The following WTAP variants were observed in gnomAD, a reference collection of about 807,000 sequenced individuals.
The protein encoded by WTAP is pre-mRNA-splicing regulator WTAP.
Under a neutral mutation model 50.0 loss-of-function variants are expected in WTAP, and 8 were observed. The observed-to-expected ratio is 0.16, with a 90% CI of 0.09 to 0.29. WTAP has a LOEUF of 0.29. WTAP is among the 10% of genes least tolerant of loss of function. WTAP has a pLI of 1.00. For synonymous variants in WTAP, 194 were observed against 169.0 expected (o/e 1.15, Z -1.15); for missense variants, 295 against 470.7 (o/e 0.63, Z 3.45).
chr6:159,726,899 CCTCT>C (rs899694886), upstream of WTAP: 53 of 1,289,008 alleles, frequency 4.1e-5, no homozygotes, highest in Non-Finnish European at 5.4e-5. Flanking sequence ...CCGCCCACGG[CCTCT>C]CTCTTGAGGT....
chr6:159,747,420 G>A (rs1779637368), intron 5 of WTAP, among the ~76,000 whole-genome samples: 2 of 152,158 alleles, frequency 1.3e-5, no homozygotes, highest in South Asian at 4.1e-4. Context: ...AAGCAGTTTG[G>A]ATTAGGTGAG....
chr6:159,739,166 A>G, intron 3 of WTAP, 121 bp downstream of exon 3: 1 of 794,660 alleles, frequency 1.3e-6, no homozygotes. Flanking sequence ...AAATAATTTA[A>G]TGTACTTTTT....
chr6:159,746,824 G>A (rs915794824), intron 5 of WTAP, among the ~76,000 whole-genome samples: 1 of 152,138 alleles, frequency 6.6e-6, no homozygotes, highest in Non-Finnish European at 1.5e-5. Flanking sequence ...CTAGAACATG[G>A]AATTTATTCT....
At chr6:159,735,128 A>G (rs910631818) in intron 1 of WTAP, among the ~76,000 whole-genome samples, 3 of 152,150 alleles carry the variant, frequency 2.0e-5, no homozygotes, top group Non-Finnish European at 2.9e-5. Flanking sequence ...TGTGACATAC[A>G]TGTGTATGTG....
intron 5 of WTAP, among the ~76,000 whole-genome samples, chr6:159,744,352 A>C (rs1488185953): frequency 6.6e-6 from 1 of 152,212 alleles, no homozygotes; most frequent in Non-Finnish European, 1.5e-5. Context: ...GTAATTATAC[A>C]AAATAATTAG....
chr6:159,742,382 A>G (rs1420613777), intron 4 of WTAP, among the ~76,000 whole-genome samples: 13 of 152,190 alleles, frequency 8.5e-5, no homozygotes, highest in Admixed American at 8.5e-4. Flanking sequence ...GCAAAATTAT[A>G]TGCAAGGTTC....
intron 6 of WTAP, 162 bp from the exon 7 acceptor site, chr6:159,753,298 G>A (rs1779886664): frequency 9.6e-7 from 1 of 1,040,298 alleles, no homozygotes. Flanking sequence ...ATACTGAAAT[G>A]CAGAAGATGG....
Position 159,748,187 on chromosome 6 carries a change from A to G in WTAP, c.274-4A>G, listed in dbSNP as rs755448327. 2.5e-6 allele frequency: 4 copies of G among 1,613,710 alleles called. No homozygotes were observed. The East Asian group carries it at 6.7e-5, about 27-fold the overall frequency. ...GTCGTAATTGTTTCTTTTGCTTTGC[A>G]CAGACTCAAATCCAGTACCTCAAGC... On this transcript the variant is annotated splice_region_variant and splice_polypyrimidine_tract_variant and intron_variant, in intron 5 of 7. Transcript: ENST00000621533. The surrounding 1 kb of genome is among the most constrained non-coding windows in gnomAD (Gnocchi z 5.6).
chr6:159,729,647 T>C (rs1225390808), intron 1 of WTAP, among the ~76,000 whole-genome samples: 1 of 152,256 alleles, frequency 6.6e-6, no homozygotes, highest in East Asian at 1.9e-4. Flanking sequence ...CAAAATTATC[T>C]TTTTGCTGAC....
chr6:159,752,586 A>G (rs1450286103), intron 6 of WTAP, among the ~76,000 whole-genome samples: 1 of 152,200 alleles, frequency 6.6e-6, no homozygotes, highest in Non-Finnish European at 1.5e-5. Flanking sequence ...TGCGTGTTTG[A>G]ATTGTGATAC....
chr6:159,729,453 G>C (rs1427005857), intron 1 of WTAP, among the ~76,000 whole-genome samples: 2 of 152,146 alleles, frequency 1.3e-5, no homozygotes, highest in African/African-American at 4.8e-5. Context: ...TGTTCCATCT[G>C]ACTAAAATAT....
intron 1 of WTAP, among the ~76,000 whole-genome samples, chr6:159,733,561 G>T (rs59928679): frequency 3.2e-4 from 49 of 151,780 alleles, no homozygotes; most frequent in African/African-American, 1.1e-3. Flanking sequence ...GGTCAAGATT[G>T]CAGTGAGCCA....
rs1779980400 is a variant in WTAP, at chr6:159,755,744, TCTTTGTTTTTTTTTTCTTTTC to T, written c.*134_*154del. 1.7e-6 allele frequency: 2 copies of T among 1,188,456 alleles called. No individual in the cohort carries two copies. Among genetic ancestry groups the T allele is most frequent in the Admixed American group, 7.9e-5 (2 of 25,466 alleles). The allele number at this position is 1,188,456 out of a possible 1,614,324, so 73.6% of individuals were successfully genotyped here. A position where few individuals can be genotyped will look rare whatever the true frequency, so the allele number is the denominator to read the frequency against. On this transcript the variant is annotated 3_prime_UTR_variant, in exon 8 of 8. Coordinates refer to ENST00000621533, the MANE Select transcript of WTAP (RefSeq NM_001270531.2). Reference sequence around the variant, plus strand: ...TTTGGTTTTTTTTTGTTGTTTTTTTTCTTTGTTTTTTTTTTCTTTTCTTTTTTTTTTTTTTTTTTTTTTTTT... The same window carrying T: ...TTTGGTTTTTTTTTGTTGTTTTTTTTTTTTTTTTTTTTTTTTTTTTTTTTT...
chr6:159,750,861 C>T (rs997851281), intron 6 of WTAP, among the ~76,000 whole-genome samples: 2 of 152,114 alleles, frequency 1.3e-5, no homozygotes, highest in African/African-American at 4.8e-5. Context: ...GGAATATTTC[C>T]AGTGGTGGAA....
At position 159,755,671 on chromosome 6, in the gene WTAP, AAATT is replaced by A; in HGVS notation, c.*64_*67del. On this transcript the variant is annotated 3_prime_UTR_variant, in exon 8 of 8. Coordinates refer to ENST00000621533, the MANE Select transcript of WTAP (RefSeq NM_001270531.2). ...AATTTGGGAGAGGATACTGTCCAGA[AAATT>A]AATGCATACTTTTGTCACAATTTGC... 7.1e-7 allele frequency: 1 copy of A among 1,408,388 alleles called. No individual in the cohort carries two copies. The highest frequency in any genetic ancestry group is 9.2e-7 in the Non-Finnish European group (1 of 1,082,432). The allele number at this position is 1,408,388 out of a possible 1,614,324, so 87.2% of individuals were successfully genotyped here.
At chr6:159,726,959 C>T, upstream of WTAP, 1 of 1,286,110 alleles carries the variant, frequency 7.8e-7, no homozygotes, top group Non-Finnish European at 1.0e-6. Context: ...ATGAGCGTCA[C>T]GAACACAGAG....
chr6:159,744,028 A>G (rs144423991), intron 5 of WTAP, among the ~76,000 whole-genome samples: 1 of 152,190 alleles, frequency 6.6e-6, no homozygotes, highest in African/African-American at 2.4e-5. Context: ...CATGCCTTAT[A>G]AGTATTAGTT....
At chr6:159,745,451 T>A (rs541954496) in intron 5 of WTAP, among the ~76,000 whole-genome samples, 21 of 151,760 alleles carry the variant, frequency 1.4e-4, no homozygotes, top group African/African-American at 2.4e-4. Flanking sequence ...TTTTTTTTTT[T>A]AAAACAGCTG....
chr6:159,727,725 G>T (rs1778283764), intron 1 of WTAP, 22 bp downstream of exon 1: 2 of 985,676 alleles, frequency 2.0e-6, no homozygotes, highest in African/African-American at 3.5e-5. Flanking sequence ...CCGGCTGGCG[G>T]GAGCGGACGC....
Sources: allele counts gnomAD v4.1 joint callset (sites outside exome capture counted in the v4.1 genomes callset), GRCh38; gene constraint gnomAD v4.1.1; non-coding constraint Gnocchi (gnomAD v3.1); transcripts MANE v1.5; gene names NCBI Gene and HGNC (gene_info 2026-07-23, HGNC 2026-07-21).